The following ITSN1 variants were observed in gnomAD, a reference collection of about 807,000 sequenced individuals.
ITSN1 encodes intersectin 1.
In ITSN1, 58 loss-of-function variants were observed where a neutral mutation model predicts 239.8. The observed-to-expected ratio is 0.24, with a 90% CI of 0.20 to 0.30. The LOEUF (loss-of-function observed/expected upper bound fraction) is 0.30, where lower values mean the gene tolerates loss of function less well. Ranked by LOEUF, ITSN1 falls within the 10% of genes least tolerant of loss-of-function variation. The pLI is 1.00. For synonymous variants in ITSN1, 780 were observed against 770.8 expected, an observed-to-expected ratio of 1.01 and a Z score of -0.20; for missense variants, 1,558 against 2,103.3, an observed-to-expected ratio of 0.74 and a Z score of 5.07.
At chr21:33,708,593 T>G (rs2146925692) in intron 1 of ITSN1, among the ~76,000 whole-genome samples, 1 of 151,982 alleles carries the variant, frequency 6.6e-6, no homozygotes, top group South Asian at 2.1e-4. Flanking sequence ...TCCATGTTGG[T>G]CAGGCTGGTC....
At chr21:33,659,704 ACTT>A (rs1226546851) in intron 1 of ITSN1, among the ~76,000 whole-genome samples, 430 of 63,956 alleles carry the variant, frequency 6.7e-3, no homozygotes, top group Non-Finnish European at 1.0e-2. Context: ...AGCAGCCTGT[ACTT>A]TTTTTTTTTT....
Position 33,882,194 on chromosome 21 carries a change from T to G in ITSN1, c.4342-49T>G, listed in dbSNP as rs754182132. ...TTCTGATGGAGCCCATGCTTTCAGA[T>G]GCGGAGAAACAAAAATGCTACACTT... is the stretch of plus-strand genomic sequence containing the variant. On this transcript the variant is annotated intron_variant, in intron 34 of 39. Coordinates refer to ENST00000381318, the MANE Select transcript of ITSN1 (RefSeq NM_003024.3). The surrounding 1 kb of genome is among the most constrained non-coding windows in gnomAD (Gnocchi z 4.5). The G allele has an allele frequency of 6.5e-7, 1 of 1,530,900 alleles. No individual in the cohort carries two copies. Among genetic ancestry groups the G allele is most frequent in the Non-Finnish European group, 9.0e-7 (1 of 1,113,238 alleles). The allele number at this position is 1,530,900 out of a possible 1,614,324, so 94.8% of individuals were successfully genotyped here. A position where few individuals can be genotyped will look rare whatever the true frequency, so the allele number is the denominator to read the frequency against.
At chr21:33,719,308 G>A (rs1037736169) in intron 2 of ITSN1, among the ~76,000 whole-genome samples, 1 of 152,186 alleles carries the variant, frequency 6.6e-6, no homozygotes, top group African/African-American at 2.4e-5. Flanking sequence ...GGGCGTGGTG[G>A]CAGGCACCTG....
chr21:33,838,455 A>ATTAG (rs2074707884), intron 29 of ITSN1: 1 of 982,538 alleles, frequency 1.0e-6, no homozygotes, highest in Non-Finnish European at 1.2e-6. Context: ...AACCTTTTGA[A>ATTAG]TTAGTTCCGT....
intron 1 of ITSN1, among the ~76,000 whole-genome samples, chr21:33,669,535 G>GT: frequency 6.6e-6 from 1 of 152,122 alleles, no homozygotes; most frequent in Middle Eastern, 3.4e-3. Context: ...CGCCTCCCGG[G>GT]TTCAAGCAAT....
chr21:33,735,496 T>C (rs915170802), intron 5 of ITSN1: 3 of 370,956 alleles, frequency 8.1e-6, no homozygotes, highest in East Asian at 1.2e-4. Flanking sequence ...TTTTTTTTTT[T>C]CTCTTCCATT....
chr21:33,644,010 C>T (rs976242795), intron 1 of ITSN1: 5 of 152,250 alleles, frequency 3.3e-5, no homozygotes, highest in Non-Finnish European at 7.3e-5. Flanking sequence ...CCCAGCAGGC[C>T]AGCTGGTTTG....
chr21:33,869,694 T>G (rs1255008582), intron 33 of ITSN1, among the ~76,000 whole-genome samples: 2 of 152,302 alleles, frequency 1.3e-5, no homozygotes, highest in Non-Finnish European at 2.9e-5. Flanking sequence ...GGAGTATAGC[T>G]CCTGGAAAGA....
rs768073680 is a variant in ITSN1 at position 33,722,634 on chromosome 21, T to C, written c.168T>C (p.Pro56=). 1.3e-6 allele frequency: 2 copies of C among 1,578,678 alleles called. No homozygotes were observed. Among genetic ancestry groups the C allele is most frequent in the South Asian group, 1.2e-5 (1 of 83,558 alleles). ...NFFFQSGLPQ[P]VLAQIWALAD... is the part of the protein sequence containing the mutation. ...TTTTTCAATCTGGGTTACCTCAACC[T>C]GTTTTAGCACAGATATGGTAAGTTG... The change falls in exon 4 of 40, where the codon CCT becomes CCC. Residue 56 remains proline, a synonymous_variant. Transcript: ENST00000381318.
chr21:33,743,953 A>G (rs2067023075), intron 5 of ITSN1, among the ~76,000 whole-genome samples: 2 of 152,248 alleles, frequency 1.3e-5, no homozygotes, highest in Admixed American at 6.5e-5. Flanking sequence ...TTCGGGGTAT[A>G]TTAACATGAG....
chr21:33,827,413 A>C (rs2148338646), intron 26 of ITSN1, among the ~76,000 whole-genome samples: 1 of 152,220 alleles, frequency 6.6e-6, no homozygotes, highest in South Asian at 2.1e-4. Context: ...AAATAAAATA[A>C]AATAAAATAA....
chr21:33,800,349 T>G (rs1016820711), intron 19 of ITSN1, among the ~76,000 whole-genome samples: 2 of 151,962 alleles, frequency 1.3e-5, no homozygotes, highest in African/African-American at 2.4e-5. Flanking sequence ...TGTGTATATA[T>G]GTACACATAT....
At chr21:33,657,722 TTGCCTGTAATCCCAGCACTTTGGGAGGCC>T (rs2089210651) in intron 1 of ITSN1, among the ~76,000 whole-genome samples, 1 of 152,190 alleles carries the variant, frequency 6.6e-6, no homozygotes, top group Non-Finnish European at 1.5e-5. Flanking sequence ...TCCGTGGCCC[TTGCCTGTAATCCCAGCACTTTGGGAGGCC>T]AAAGTGAGAA....
Position 33,782,688 on chromosome 21 carries a change from A to T in ITSN1, c.1824+555A>T, listed in dbSNP as rs576528248. 7.2e-5 allele frequency among the ~76,000 whole-genome samples: 11 copies of T among 152,246 alleles called. No homozygotes were observed. The East Asian group carries it at 1.5e-3, about 21-fold the overall frequency. On this transcript the variant is annotated intron_variant, in intron 16 of 39. Transcript: ENST00000381318. ...ATGGTTAGATCACAGCCTTTTTCAG[A>T]TTTGGTGTTTCTGATTTAACTTTAC...
chr21:33,694,410 T>G (rs960782895), intron 1 of ITSN1, among the ~76,000 whole-genome samples: 2 of 152,220 alleles, frequency 1.3e-5, no homozygotes, highest in Non-Finnish European at 2.9e-5. Context: ...AAAAATAAAG[T>G]CATGGTGAAT....
At chr21:33,701,459 C>A (rs562759007) in intron 1 of ITSN1, among the ~76,000 whole-genome samples, 1 of 152,082 alleles carries the variant, frequency 6.6e-6, no homozygotes, top group South Asian at 2.1e-4. Context: ...TTTCATCTTG[C>A]ATGCTTGTTA....
At chr21:33,850,697 T>G (rs560848475) in intron 29 of ITSN1, among the ~76,000 whole-genome samples, 1 of 152,320 alleles carries the variant, frequency 6.6e-6, no homozygotes, top group South Asian at 2.1e-4. Flanking sequence ...AGACATCAGC[T>G]GCAGGGTAAA....
chr21:33,731,873 C>G (rs1324964715), intron 4 of ITSN1, among the ~76,000 whole-genome samples: 1 of 152,194 alleles, frequency 6.6e-6, no homozygotes, highest in South Asian at 2.1e-4. Flanking sequence ...GAATATGAGT[C>G]ACCAATGGCC....
At chr21:33,654,866 AGTCTGTTCTTGGTCCAGCTGCATT>A (rs2088899223) in intron 1 of ITSN1, among the ~76,000 whole-genome samples, 1 of 152,212 alleles carries the variant, frequency 6.6e-6, no homozygotes, top group Non-Finnish European at 1.5e-5. Context: ...ACTCTCTTCC[AGTCTGTTCTTGGTCCAGCTGCATT>A]CTCGTTCTTG....
Sources: allele counts gnomAD v4.1 joint callset (sites outside exome capture counted in the v4.1 genomes callset), GRCh38; gene constraint gnomAD v4.1.1; non-coding constraint Gnocchi (gnomAD v3.1); transcripts MANE v1.5; gene names NCBI Gene and HGNC (gene_info 2026-07-23, HGNC 2026-07-21).